The following SLC47A1 variants were observed in gnomAD, a reference collection of about 807,000 sequenced individuals.
The protein encoded by SLC47A1 is solute carrier family 47 member 1.
In SLC47A1, 58 loss-of-function variants were observed where a neutral mutation model predicts 65.8. The ratio of observed to expected loss-of-function variants is 0.88; its 90% CI spans 0.71 to 1.10. SLC47A1 has a LOEUF of 1.10. Among genes scored for constraint, SLC47A1 ranks in the 50% least tolerant of loss-of-function variants. The pLI, the probability that SLC47A1 is intolerant of heterozygous loss-of-function variation, is 0.00. For synonymous variants in SLC47A1, 285 were observed against 295.0 expected, an observed-to-expected ratio of 0.97 and a Z score of 0.35; for missense variants, 706 against 719.2, an observed-to-expected ratio of 0.98 and a Z score of 0.21.
At chr17:19,540,858 A>ACACACACG (rs1916126449) in intron 1 of SLC47A1, among the ~76,000 whole-genome samples, 1 of 151,366 alleles carries the variant, frequency 6.6e-6, no homozygotes, top group African/African-American at 2.4e-5. Context: ...AGACACACAC[A>ACACACACG]CACACACACA....
In SLC47A1 at chr17:19,571,491, G is replaced by C. The variant is rs1451217801; in HGVS notation, c.1323G>C (p.Gly441=). 1 of 1,613,442 alleles carries C rather than the reference G, an allele frequency of 6.2e-7. No individual in the cohort carries two copies. The highest frequency in any genetic ancestry group is 1.7e-5 in the Admixed American group (1 of 59,882). ...TTLGVMGLWS[G]IIICTVFQAV... is the part of the protein sequence containing the mutation. ...TTCTATTTCTAGGTCTGTGGTCAGGGATCATCATCTGTACAGTCTTTCAAG... is the reference window on the plus strand; with the variant it reads ...TTCTATTTCTAGGTCTGTGGTCAGGCATCATCATCTGTACAGTCTTTCAAG... The change falls in exon 15 of 17, where the codon GGG becomes GGC. Residue 441 remains glycine (G), a synonymous_variant. Coordinates refer to ENST00000270570, the MANE Select transcript of SLC47A1 (RefSeq NM_018242.3).
chr17:19,572,425 T>C (rs990443140), intron 15 of SLC47A1, among the ~76,000 whole-genome samples: 6 of 152,016 alleles, frequency 3.9e-5, no homozygotes, highest in African/African-American at 7.3e-5. Context: ...TCCCAGGTAG[T>C]TGGGAATACA....
At chr17:19,544,085 C>T (rs1916225466) in intron 2 of SLC47A1, among the ~76,000 whole-genome samples, 1 of 152,186 alleles carries the variant, frequency 6.6e-6, no homozygotes, top group Non-Finnish European at 1.5e-5. Context: ...CCTGGGATTA[C>T]AGGCACATGC....
At chr17:19,556,271 A>T (rs1004903859) in intron 10 of SLC47A1, among the ~76,000 whole-genome samples, 1 of 152,216 alleles carries the variant, frequency 6.6e-6, no homozygotes, top group Admixed American at 6.5e-5. Flanking sequence ...GAAACTGCAC[A>T]TGATCTGCTG....
At chr17:19,571,689 A>C in intron 15 of SLC47A1, 117 bp downstream of exon 15, 37 of 714,822 alleles carry the variant, frequency 5.2e-5, no homozygotes, top group Non-Finnish European at 8.2e-5. Flanking sequence ...TTCTTATCTC[A>C]TGAATACTAT....
At chr17:19,540,663 A>T (rs1916118638) in intron 1 of SLC47A1, among the ~76,000 whole-genome samples, 2 of 151,768 alleles carry the variant, frequency 1.3e-5, no homozygotes, top group Non-Finnish European at 2.9e-5. Flanking sequence ...TGACACCTCC[A>T]CCCCACCCCC....
At chr17:19,575,691 C>T (rs924312109) in intron 16 of SLC47A1, among the ~76,000 whole-genome samples, 5 of 152,256 alleles carry the variant, frequency 3.3e-5, no homozygotes, top group African/African-American at 2.4e-5. Context: ...TGAACCACCA[C>T]GCCTGGCCTA....
At chr17:19,558,361 T>C (rs907940413) in intron 10 of SLC47A1, among the ~76,000 whole-genome samples, 5 of 152,204 alleles carry the variant, frequency 3.3e-5, no homozygotes, top group Admixed American at 6.5e-5. Context: ...GCTAGAGAAG[T>C]GATGCTGTGT....
chr17:19,555,562 A>C, intron 7 of SLC47A1, 31 bp from the exon 8 acceptor site: 25 of 1,587,902 alleles, frequency 1.6e-5, no homozygotes, highest in Non-Finnish European at 2.1e-5. Flanking sequence ...GCAGGAAGGT[A>C]CCTCCCTCTC....
At position 19,555,310 on chromosome 17, in the gene SLC47A1, G is replaced by A; in HGVS notation, c.641+1G>A. 4 of 1,614,194 alleles carry A rather than the reference G, an allele frequency of 2.5e-6. No homozygotes were observed. Among genetic ancestry groups the A allele is most frequent in the Non-Finnish European group, 3.4e-6 (4 of 1,179,996 alleles). On this transcript the variant is annotated splice_donor_variant, in intron 7 of 16. Coordinates refer to ENST00000270570, the MANE Select transcript of SLC47A1 (RefSeq NM_018242.3). LOFTEE classifies it high-confidence loss of function. Reference sequence around the variant, plus strand: ...TCCATCAACTGCATCTTGGGGTGATGTGAGTCCAACATACTCTTGGGACAG... The same window carrying A: ...TCCATCAACTGCATCTTGGGGTGATATGAGTCCAACATACTCTTGGGACAG...
At chr17:19,546,365 T>TAC (rs1290467432) in intron 2 of SLC47A1, 70 bp from the exon 3 acceptor site, 11 of 1,493,530 alleles carry the variant, frequency 7.4e-6, no homozygotes, top group Non-Finnish European at 9.3e-6. Flanking sequence ...CTCTTATCAA[T>TAC]ACACACAGGG....
At chr17:19,567,573 G>A (rs369759948) in intron 14 of SLC47A1, 3 of 300,750 alleles carry the variant, frequency 1.0e-5, no homozygotes, top group East Asian at 7.6e-5. Flanking sequence ...GCATTTGGAA[G>A]CATCCCCTTA....
At chr17:19,534,239 T>C in intron 1 of SLC47A1, 165 bp downstream of exon 1, 1 of 860,208 alleles carries the variant, frequency 1.2e-6, no homozygotes, top group South Asian at 2.5e-5. Flanking sequence ...CCAGCTCCTC[T>C]GCCTGCGTCC....
chr17:19,560,027 T>C (rs2084295075), intron 10 of SLC47A1, 161 bp from the exon 11 acceptor site: 2 of 597,986 alleles, frequency 3.3e-6, no homozygotes, highest in Admixed American at 6.1e-5. Flanking sequence ...CACAGTAGCG[T>C]GGGAGTTCCC....
At chr17:19,565,981 G>A (rs1006722965) in intron 12 of SLC47A1, among the ~76,000 whole-genome samples, 1 of 152,134 alleles carries the variant, frequency 6.6e-6, no homozygotes, top group Non-Finnish European at 1.5e-5. Flanking sequence ...GTCCCGCCTG[G>A]GACATGAAAT....
At chr17:19,536,450 A>G (rs1325389600) in intron 1 of SLC47A1, among the ~76,000 whole-genome samples, 4 of 152,102 alleles carry the variant, frequency 2.6e-5, no homozygotes, top group African/African-American at 9.7e-5. Context: ...AATGTCATGC[A>G]TATTTACTGT....
rs767221878 is a variant in SLC47A1 at position 19,551,429 on chromosome 17, C to G, written c.504C>G (p.Thr168=). Residue 168 remains threonine, a synonymous_variant, in exon 6 of 17, where the codon ACC becomes ACG. Coordinates refer to ENST00000270570, the MANE Select transcript of SLC47A1 (RefSeq NM_018242.3). ...VTIFIPALPA[T]FLYMLQVKYL... ...TCTCTCTTGTTCTCTTGTAGGCAAC[C>G]TTTCTTTATATGTTACAAGTTAAAT... is the stretch of plus-strand genomic sequence containing the variant. The G allele has an allele frequency of 1.3e-5, 21 of 1,608,130 alleles. No homozygotes were observed. The highest frequency in any genetic ancestry group is 1.6e-5 in the Non-Finnish European group (19 of 1,174,642).
chr17:19,572,394 A>G (rs1409346008), intron 15 of SLC47A1, among the ~76,000 whole-genome samples: 1 of 151,680 alleles, frequency 6.6e-6, no homozygotes, highest in Non-Finnish European at 1.5e-5. Flanking sequence ...CCTGGGCTCA[A>G]GTGATCCTCC....
chr17:19,573,009 A>G (rs895096083), intron 16 of SLC47A1, 148 bp downstream of exon 16: 1 of 689,246 alleles, frequency 1.5e-6, no homozygotes, highest in African/African-American at 1.8e-5. Flanking sequence ...GCCAAGTAAC[A>G]CACAATTCAA....
Sources: gnomAD v4.1 joint callset for allele counts (sites outside exome capture counted in the v4.1 genomes callset) on GRCh38, gnomAD v4.1.1 for gene constraint, MANE v1.5 for transcripts, NCBI Gene and HGNC (gene_info 2026-07-23, HGNC 2026-07-21) for gene names.